B3GAT1: variants seen among roughly 807,000 people sequenced by gnomAD.
The protein encoded by B3GAT1 is galactosylgalactosylxylosylprotein 3-beta-glucuronosyltransferase 1.
B3GAT1 carries 11 observed loss-of-function variants against 28.4 expected under a neutral mutation model. The observed-to-expected ratio is 0.39, with a 90% CI of 0.24 to 0.64. The LOEUF (loss-of-function observed/expected upper bound fraction) is 0.64, where lower values mean the gene tolerates loss of function less well. B3GAT1 is among the 30% of genes least tolerant of loss of function. The pLI is 0.50. For synonymous variants in B3GAT1, 255 were observed against 223.1 expected (o/e 1.14, Z -1.27); for missense variants, 375 against 491.0 (o/e 0.76, Z 2.23).
At chr11:134,404,027 A>ATATTTATT (rs1233350965) in intron 1 of B3GAT1, among the ~76,000 whole-genome samples, 33 of 106,750 alleles carry the variant, frequency 3.1e-4, no homozygotes, top group African/African-American at 1.0e-3. Flanking sequence ...ATATATATAT[A>ATATTTATT]TATTTATTAT....
Position 134,382,983 on chromosome 11 carries a change from G to A in B3GAT1, c.645C>T (p.Ser215=), listed in dbSNP as rs780720219. ...CACCCACGAAGGCGACGGGCCACAC[G>A]GACACCCTCCTGGTGCTGCGCATCT... is the stretch of plus-strand genomic sequence containing the variant. ...FEEMRSTRRV[S]VWPVAFVGGL... The change falls in exon 4 of 6, where the codon TCC becomes TCT. Residue 215 remains serine (S), a synonymous_variant. Coordinates refer to ENST00000312527, the MANE Select transcript of B3GAT1 (RefSeq NM_054025.3). The A allele has an allele frequency of 2.0e-5, 32 of 1,582,528 alleles. No homozygotes were observed. Among genetic ancestry groups the A allele is most frequent in the Non-Finnish European group, 2.6e-5 (30 of 1,163,708 alleles).
chr11:134,401,528 G>A (rs1472014092), intron 1 of B3GAT1, among the ~76,000 whole-genome samples: 1 of 151,838 alleles, frequency 6.6e-6, no homozygotes, highest in Non-Finnish European at 1.5e-5. Context: ...TAAACATTGG[G>A]TACTCTTGGA....
At chr11:134,402,000 G>C (rs1477737829) in intron 1 of B3GAT1, among the ~76,000 whole-genome samples, 2 of 150,892 alleles carry the variant, frequency 1.3e-5, no homozygotes, top group African/African-American at 2.4e-5. Flanking sequence ...GACCACTGTC[G>C]GGAGGCGGGG....
At chr11:134,394,745 T>G (rs149909251) in intron 1 of B3GAT1, among the ~76,000 whole-genome samples, 2 of 152,344 alleles carry the variant, frequency 1.3e-5, no homozygotes, top group African/African-American at 4.8e-5. Context: ...CAAACCATCT[T>G]GTTCCCTTCT....
rs1944168973 is a variant in B3GAT1, at chr11:134,382,960, C to T, written c.668G>A (p.Gly223Asp). ...CCGTGGGGCCTCGTACCGCAGGCCA[C>T]CCACGAAGGCGACGGGCCACACGGA... ...RVSVWPVAFV[G>D]GLRYEAPRVN... The change falls in exon 4 of 6, where the codon GGT (glycine) becomes GAT (aspartate). Residue 223 changes from glycine (G) to aspartate (D), a missense_variant. By Grantham distance (94) the Gly-to-Asp change is moderately conservative (BLOSUM62 -1). Coordinates refer to ENST00000312527, the MANE Select transcript of B3GAT1 (RefSeq NM_054025.3). 1.2e-6 allele frequency: 2 copies of T among 1,600,222 alleles called. No individual in the cohort carries two copies. The highest frequency in any genetic ancestry group is 1.3e-5 in the African/African-American group (1 of 74,834).
chr11:134,405,213 A>C (rs961113427), intron 1 of B3GAT1, among the ~76,000 whole-genome samples: 1 of 152,028 alleles, frequency 6.6e-6, no homozygotes, highest in Non-Finnish European at 1.5e-5. Flanking sequence ...GGGGGTCAGG[A>C]CTTATCTTCA....
intron 1 of B3GAT1, among the ~76,000 whole-genome samples, chr11:134,408,166 AGG>A: frequency 6.6e-6 from 1 of 151,704 alleles, no homozygotes. Context: ...GCGGGTGAGG[AGG>A]GAGGTGGGAC....
At chr11:134,388,420 CTCTT>C (rs1944343050) in intron 1 of B3GAT1, 1 of 158,068 alleles carries the variant, frequency 6.3e-6, no homozygotes, top group South Asian at 1.8e-4. Flanking sequence ...TTTTCTCTCT[CTCTT>C]TTTTCTTTTT....
chr11:134,406,407 C>T (rs553735514), intron 1 of B3GAT1, among the ~76,000 whole-genome samples: 3 of 152,278 alleles, frequency 2.0e-5, no homozygotes, highest in African/African-American at 7.2e-5. Context: ...CTGCACAAAG[C>T]AAGGTTGCTT....
rs569646300 is a variant in B3GAT1, at chr11:134,403,337, G to A, written c.-282+8470C>T. On this transcript the variant is annotated intron_variant, in intron 1 of 5. Transcript: ENST00000312527. ...GGCATCCCTTCACACCGGTACGTTT[G>A]CCTGGGACATGCTTCCCTCCCTCAT... 2.1e-4 allele frequency among the ~76,000 whole-genome samples: 32 copies of A among 152,324 alleles called. No individual in the cohort carries two copies. The South Asian group carries it at 6.4e-3, about 31-fold the overall frequency.
In B3GAT1 at chr11:134,384,234, C is replaced by G. The variant is rs772344058; in HGVS notation, c.113-46G>C. 7 of 1,508,838 alleles carry G rather than the reference C, an allele frequency of 4.6e-6. No individual in the cohort carries two copies. The South Asian group carries it at 8.9e-5, about 19-fold the overall frequency. 93.5% of individuals were successfully genotyped at this position (1,508,838 alleles called of 1,614,324 possible). A position where few individuals can be genotyped will look rare whatever the true frequency, so the allele number is the denominator to read the frequency against. On this transcript the variant is annotated intron_variant, in intron 2 of 5. Coordinates refer to ENST00000312527, the MANE Select transcript of B3GAT1 (RefSeq NM_054025.3). ...CGATGTGGGAGGAGAGCGCCGGCTA[C>G]GGCCCTGGATTCAGAGCGGGACGCC...
At position 134,387,896 on chromosome 11, in the gene B3GAT1, G is replaced by T. The variant is rs1222861564; in HGVS notation, c.-237C>A. 1.3e-6 allele frequency: 2 copies of T among 1,504,466 alleles called. No homozygotes were observed. Among genetic ancestry groups the T allele is most frequent in the East Asian group, 5.2e-5 (2 of 38,650 alleles). The allele number at this position is 1,504,466 out of a possible 1,614,324, so 93.2% of individuals were successfully genotyped here. On this transcript the variant is annotated 5_prime_UTR_variant, in exon 2 of 6. Transcript: ENST00000312527. ...CGGCCCAACTGGAGTCTGAGAAGGG[G>T]TCGCTGTCCAGGGGCAGGGGTCAGG...
In B3GAT1 at chr11:134,411,181, CT is replaced by C. The variant is rs1410173429; in HGVS notation, c.-282+625del. Among the ~76,000 whole-genome samples, 1 of 152,172 alleles carries C rather than the reference CT, an allele frequency of 6.6e-6. No individual in the cohort carries two copies. Among genetic ancestry groups the C allele is most frequent in the Non-Finnish European group, 1.5e-5 (1 of 68,026 alleles). On this transcript the variant is annotated intron_variant, in intron 1 of 5. Transcript: ENST00000312527. The surrounding 1 kb of genome is among the most constrained non-coding windows in gnomAD (Gnocchi z 6.0). ...GCCTCCTTTTTCTGGAAGTTGTGTG[CT>C]CTGACTTTGGAGGGATTGGGACCTC...
chr11:134,403,014 G>C (rs1333933540), intron 1 of B3GAT1, among the ~76,000 whole-genome samples: 1 of 152,152 alleles, frequency 6.6e-6, no homozygotes, highest in Non-Finnish European at 1.5e-5. Context: ...AGCAGAGGAG[G>C]TGTGGGTGCG....
intron 1 of B3GAT1, among the ~76,000 whole-genome samples, chr11:134,410,560 G>A (rs1176686581): frequency 2.0e-5 from 3 of 152,180 alleles, no homozygotes; most frequent in African/African-American, 7.2e-5. Flanking sequence ...GGGAAGAAAG[G>A]GAAGGCTTGA....
chr11:134,404,980 G>A (rs955498810), intron 1 of B3GAT1, among the ~76,000 whole-genome samples: 1 of 152,170 alleles, frequency 6.6e-6, no homozygotes, highest in Admixed American at 6.5e-5. Flanking sequence ...CCGGTCCCTT[G>A]GCCTCTCTGG....
rs535301480 is a variant in B3GAT1 at position 134,393,083 on chromosome 11, G to C, written c.-281-5143C>G. On this transcript the variant is annotated intron_variant, in intron 1 of 5. Transcript: ENST00000312527. This position sits in a 1 kb window ranked among gnomAD's most constrained non-coding sequence, Gnocchi z 4.0. ...GAACGCAAAATGTTCCCAAAGGCCT[G>C]CATGCGTGTGCGTGGTAGGTTACAA... 3.3e-5 allele frequency among the ~76,000 whole-genome samples: 5 copies of C among 152,294 alleles called. No homozygotes were observed. The East Asian group carries it at 9.7e-4, about 29-fold the overall frequency.
intron 1 of B3GAT1, among the ~76,000 whole-genome samples, chr11:134,401,537 G>A (rs1944613321): frequency 6.6e-6 from 1 of 151,930 alleles, no homozygotes; most frequent in Non-Finnish European, 1.5e-5. Context: ...GGTACTCTTG[G>A]ACATAGAGAT....
At chr11:134,382,304 C>T (rs1944146328) in intron 4 of B3GAT1, among the ~76,000 whole-genome samples, 1 of 86,620 alleles carries the variant, frequency 1.2e-5, no homozygotes. Flanking sequence ...CAAGACTTCC[C>T]AAGTGTGTGT....
Sources: allele counts gnomAD v4.1 joint callset (sites outside exome capture counted in the v4.1 genomes callset), GRCh38; gene constraint gnomAD v4.1.1; non-coding constraint Gnocchi (gnomAD v3.1); transcripts MANE v1.5; gene names NCBI Gene and HGNC (gene_info 2026-07-23, HGNC 2026-07-21).